Variants in CACNA1C observed in about 807,000 individuals in gnomAD.
The protein encoded by CACNA1C is voltage-dependent L-type calcium channel subunit alpha-1C.
A neutral mutation model predicts 229.0 loss-of-function variants in CACNA1C; 30 were observed. The ratio of observed to expected loss-of-function variants is 0.13; its 90% CI spans 0.10 to 0.18. The LOEUF (loss-of-function observed/expected upper bound fraction) is 0.18. Ranked by LOEUF, CACNA1C falls within the 10% of genes least tolerant of loss-of-function variation. CACNA1C has a pLI of 1.00. For missense variants in CACNA1C, 1,658 were observed against 2,845.0 expected (o/e 0.58, Z 9.49); for synonymous variants, 1,114 against 1,132.5 (o/e 0.98, Z 0.33).
chr12:2,475,577 T>G (rs1243362454), intron 5 of CACNA1C, among the ~76,000 whole-genome samples: 1 of 152,076 alleles, frequency 6.6e-6, no homozygotes. Flanking sequence ...ATACAATCAC[T>G]GAAATGAAAA....
intron 3 of CACNA1C, among the ~76,000 whole-genome samples, chr12:2,429,471 G>A (rs2099062704): frequency 6.6e-6 from 1 of 152,194 alleles, no homozygotes; most frequent in Admixed American, 6.5e-5. Context: ...TGGGGTTGGA[G>A]TCAGAAAACT....
intron 3 of CACNA1C, among the ~76,000 whole-genome samples, chr12:2,361,958 G>A (rs559816761): frequency 6.6e-6 from 1 of 152,206 alleles, no homozygotes; most frequent in Non-Finnish European, 1.5e-5. Context: ...CTGTGATCTT[G>A]ATCAACTGAT....
chr12:2,306,386 TCTC>T (rs2095027116), intron 3 of CACNA1C, among the ~76,000 whole-genome samples: 1 of 152,178 alleles, frequency 6.6e-6, no homozygotes, highest in Non-Finnish European at 1.5e-5. Context: ...TCCTCTGTCT[TCTC>T]CTGAGATCTC....
chr12:2,218,794 G>A (rs1282473724), intron 3 of CACNA1C, among the ~76,000 whole-genome samples: 2 of 152,216 alleles, frequency 1.3e-5, no homozygotes, highest in African/African-American at 4.8e-5. Context: ...ATCAGTTGCA[G>A]GTTGCACGTA....
rs1363131500 is a variant in CACNA1C at position 2,315,494 on chromosome 12, G to A, written c.478-133482G>A. On this transcript the variant is annotated intron_variant, in intron 3 of 46. Transcript: ENST00000399655. ...TTGATTAGGAAGCTGTGTTGTCAGT[G>A]TGCTGACTTATTAGGGAGAAGAATG... Among the ~76,000 whole-genome samples, 13 of 152,148 alleles carry A rather than the reference G, an allele frequency of 8.5e-5. 1 individual carries two copies. The highest frequency in any genetic ancestry group is 7.9e-4 in the Admixed American group (12 of 15,286).
intron 34 of CACNA1C, among the ~76,000 whole-genome samples, 185 bp from the exon 35 acceptor site, chr12:2,664,640 T>G (rs1329453358): frequency 6.6e-6 from 1 of 152,242 alleles, no homozygotes; most frequent in Non-Finnish European, 1.5e-5. Context: ...ATATAAAATT[T>G]TAATAATGCT....
chr12:2,525,283 C>G (rs1306455193), intron 9 of CACNA1C, among the ~76,000 whole-genome samples: 3 of 152,132 alleles, frequency 2.0e-5, no homozygotes, highest in Non-Finnish European at 4.4e-5. Context: ...GGGGGTCAGT[C>G]AGAGGCTGAT....
intron 3 of CACNA1C, among the ~76,000 whole-genome samples, chr12:2,431,071 A>G (rs2099079050): frequency 6.6e-6 from 1 of 152,172 alleles, no homozygotes; most frequent in South Asian, 2.1e-4. Flanking sequence ...ATGTTTGAGA[A>G]GCAGTGAATC....
At chr12:2,475,325 G>A (rs2283312) in intron 5 of CACNA1C, among the ~76,000 whole-genome samples, 1 of 151,664 alleles carries the variant, frequency 6.6e-6, no homozygotes, top group Non-Finnish European at 1.5e-5. Flanking sequence ...GAAAAGAAAA[G>A]AAGGTTTCAT....
intron 13 of CACNA1C, among the ~76,000 whole-genome samples, chr12:2,577,506 G>C (rs1415117776): frequency 6.6e-6 from 1 of 152,226 alleles, no homozygotes; most frequent in African/African-American, 2.4e-5. Flanking sequence ...AGGAATCTCA[G>C]AAAATCCCTC....
chr12:2,219,803 A>G (rs2060970389), intron 3 of CACNA1C, among the ~76,000 whole-genome samples: 1 of 152,192 alleles, frequency 6.6e-6, no homozygotes. Flanking sequence ...GAGGCCAGGT[A>G]TCAGGAGAGG....
In CACNA1C at chr12:2,595,855, T is replaced by G; in HGVS notation, c.2664-19T>G. On this transcript the variant is annotated intron_variant, in intron 19 of 46. Transcript: ENST00000399655. The surrounding 1 kb of genome is among the most constrained non-coding windows in gnomAD (Gnocchi z 4.1). ...GTCTGCCTTGACTTGTCTCTCCTCCTGTCCCCTCTCCCGTACAGGTTTCGC... is the reference window on the plus strand; with the variant it reads ...GTCTGCCTTGACTTGTCTCTCCTCCGGTCCCCTCTCCCGTACAGGTTTCGC... 2.5e-6 allele frequency: 4 copies of G among 1,611,162 alleles called. No individual in the cohort carries two copies. In the South Asian group the frequency reaches 4.4e-5, roughly 18 times the overall value.
intron 9 of CACNA1C, among the ~76,000 whole-genome samples, chr12:2,515,836 G>A (rs1251577619): frequency 1.3e-5 from 2 of 152,220 alleles, no homozygotes; most frequent in African/African-American, 4.8e-5. Flanking sequence ...AAATATTAGT[G>A]TAAGTGAAGT....
rs1196928805 is a variant in CACNA1C, at chr12:2,215,376, G to T, written c.477+94946G>T. ...GAGGGCTCTGTTACCCTGATGGCTT[G>T]CCAGCTTGCAGGGCCCAGCATGCCT... is the stretch of plus-strand genomic sequence containing the variant. On this transcript the variant is annotated intron_variant, in intron 3 of 46. Coordinates refer to ENST00000399655, the MANE Select transcript of CACNA1C (RefSeq NM_000719.7). The surrounding 1 kb of genome is among the most constrained non-coding windows in gnomAD (Gnocchi z 5.0). 6.6e-6 allele frequency among the ~76,000 whole-genome samples: 1 copy of T among 152,078 alleles called. No homozygotes were observed.
intron 1 of CACNA1C, among the ~76,000 whole-genome samples, chr12:2,025,071 A>G (rs1314957026): frequency 2.0e-5 from 3 of 152,100 alleles, no homozygotes; most frequent in Non-Finnish European, 4.4e-5. Flanking sequence ...ATTTCTGGGG[A>G]AGGCAGGCTT....
intron 1 of CACNA1C, among the ~76,000 whole-genome samples, chr12:2,011,630 T>C (rs1049815419): frequency 5.9e-5 from 9 of 152,306 alleles, no homozygotes; most frequent in South Asian, 4.2e-4. Context: ...TTTACAAACA[T>C]GTAGAAAAGC....
At position 2,677,609 on chromosome 12, in the gene CACNA1C, G is replaced by T. The variant is rs2096889609; in HGVS notation, c.4957-124G>T. ...CACACACACACAAACCTTCCGGAGG[G>T]TCGACTGGCTGGGTGGAGGATGCCA... On this transcript the variant is annotated intron_variant, in intron 40 of 46. Transcript: ENST00000399655. The surrounding 1 kb of genome is among the most constrained non-coding windows in gnomAD (Gnocchi z 7.4). 8 of 1,114,618 alleles carry T rather than the reference G, an allele frequency of 7.2e-6. No homozygotes were observed. Among genetic ancestry groups the T allele is most frequent in the Non-Finnish European group, 1.0e-5 (8 of 768,008 alleles). 69.0% of individuals were successfully genotyped at this position (1,114,618 alleles called of 1,614,324 possible).
At chr12:2,058,125 C>T (rs2055960052) in intron 1 of CACNA1C, among the ~76,000 whole-genome samples, 1 of 152,152 alleles carries the variant, frequency 6.6e-6, no homozygotes, top group South Asian at 2.1e-4. Flanking sequence ...TTCCTTTCTT[C>T]ACTCGGTTTT....
chr12:2,058,087 T>C (rs1306029189), intron 1 of CACNA1C, among the ~76,000 whole-genome samples: 1 of 152,212 alleles, frequency 6.6e-6, no homozygotes, highest in Non-Finnish European at 1.5e-5. Flanking sequence ...CCAGTGATGT[T>C]TTCCAGCGCC....
Sources: allele counts gnomAD v4.1 joint callset (sites outside exome capture counted in the v4.1 genomes callset), GRCh38; gene constraint gnomAD v4.1.1; non-coding constraint Gnocchi (gnomAD v3.1); transcripts MANE v1.5; gene names NCBI Gene and HGNC (gene_info 2026-07-23, HGNC 2026-07-21).